Variants in SGK1 observed in about 807,000 individuals in gnomAD.
SGK1 encodes serum/glucocorticoid regulated kinase 1, also known as serine/threonine-protein kinase Sgk1.
A neutral mutation model predicts 64.2 loss-of-function variants in SGK1; 26 were observed. That is an observed-to-expected ratio of 0.40 (90% confidence interval 0.30 to 0.56). The LOEUF is 0.56. SGK1 is among the 20% of genes least tolerant of loss of function. SGK1 has a pLI of 0.38. For synonymous variants in SGK1, 265 were observed against 239.7 expected, an observed-to-expected ratio of 1.11 and a Z score of -0.98; for missense variants, 519 against 645.6, an observed-to-expected ratio of 0.80 and a Z score of 2.12.
At chr6:134,300,629 T>C (rs1582773338) in intron 1 of SGK1, among the ~76,000 whole-genome samples, 1 of 142,224 alleles carries the variant, frequency 7.0e-6, no homozygotes, top group East Asian at 2.5e-4. Flanking sequence ...AAATAAATGT[T>C]TGGTTTTTTT....
At chr6:134,207,802 A>T (rs187762865) in intron 2 of SGK1, among the ~76,000 whole-genome samples, 1 of 152,388 alleles carries the variant, frequency 6.6e-6, no homozygotes, top group East Asian at 1.9e-4. Flanking sequence ...TAGACACTCA[A>T]TACATAAAAA....
intron 1 of SGK1, among the ~76,000 whole-genome samples, chr6:134,315,133 A>AC (rs1777659924): frequency 2.0e-5 from 3 of 152,206 alleles, no homozygotes; most frequent in African/African-American, 7.2e-5. Flanking sequence ...CTAAAAACAA[A>AC]CAAACAAAAA....
chr6:134,301,566 C>T (rs527665680), intron 1 of SGK1, among the ~76,000 whole-genome samples: 1 of 149,616 alleles, frequency 6.7e-6, no homozygotes, highest in African/African-American at 2.5e-5. Flanking sequence ...CTCTTCTCTT[C>T]TCTTCTCTTC....
intron 1 of SGK1, among the ~76,000 whole-genome samples, chr6:134,284,495 T>C (rs1424342134): frequency 2.0e-5 from 3 of 150,972 alleles, no homozygotes; most frequent in East Asian, 1.9e-4. Flanking sequence ...TTCTTTCTTT[T>C]TTTTTTTTGA....
intron 1 of SGK1, among the ~76,000 whole-genome samples, chr6:134,274,292 C>A (rs1776986600): frequency 6.6e-6 from 1 of 152,150 alleles, no homozygotes; most frequent in Non-Finnish European, 1.5e-5. Context: ...GCGTGAGCCA[C>A]CGTGCCCAGC....
chr6:134,280,596 G>A (rs1202540418), intron 1 of SGK1, among the ~76,000 whole-genome samples: 1 of 152,066 alleles, frequency 6.6e-6, no homozygotes, highest in African/African-American at 2.4e-5. Flanking sequence ...TTCTTCATTT[G>A]TGTTCCTCCC....
chr6:134,308,837 G>T (rs371884489), intron 1 of SGK1, among the ~76,000 whole-genome samples: 5 of 152,172 alleles, frequency 3.3e-5, no homozygotes, highest in Non-Finnish European at 7.3e-5. Flanking sequence ...GATTACAGGC[G>T]TTTGCTACCG....
At chr6:134,305,019 T>C (rs1197115724) in intron 1 of SGK1, among the ~76,000 whole-genome samples, 1 of 152,102 alleles carries the variant, frequency 6.6e-6, no homozygotes, top group African/African-American at 2.4e-5. Flanking sequence ...ATGGATCCCT[T>C]TACAGGGAAC....
chr6:134,201,599 T>C (rs1775685624), intron 3 of SGK1, among the ~76,000 whole-genome samples: 1 of 152,016 alleles, frequency 6.6e-6, no homozygotes, highest in Admixed American at 6.6e-5. Context: ...TGATCTCAGG[T>C]GATCCACCTG....
intron 1 of SGK1, among the ~76,000 whole-genome samples, chr6:134,314,134 T>C (rs1033600598): frequency 2.6e-5 from 4 of 152,214 alleles, no homozygotes; most frequent in Non-Finnish European, 5.9e-5. Context: ...GCTGCTTTAG[T>C]TGAGCTTTTA....
intron 3 of SGK1, chr6:134,174,881 T>C: frequency 1.2e-6 from 2 of 1,603,868 alleles, no homozygotes; most frequent in South Asian, 2.2e-5. Context: ...GGCCGCGCGC[T>C]CGGCCTTATA....
At chr6:134,191,804 G>A (rs1775515276) in intron 3 of SGK1, among the ~76,000 whole-genome samples, 2 of 144,708 alleles carry the variant, frequency 1.4e-5, no homozygotes, top group Admixed American at 7.1e-5. Flanking sequence ...GAGTAGCTGG[G>A]ACTACAGGCA....
intron 1 of SGK1, among the ~76,000 whole-genome samples, chr6:134,302,516 C>T (rs1461736793): frequency 6.6e-6 from 1 of 152,132 alleles, no homozygotes; most frequent in African/African-American, 2.4e-5. Context: ...TCCCAGAGCA[C>T]AGAGGTTTCA....
intron 2 of SGK1, chr6:134,260,370 C>CCCAA (rs1776746707): frequency 1.1e-5 from 1 of 93,984 alleles, no homozygotes; most frequent in Non-Finnish European, 2.5e-5. Flanking sequence ...TGTCCCCGAC[C>CCCAA]CCCACCCCCC....
intron 2 of SGK1, among the ~76,000 whole-genome samples, chr6:134,226,688 T>C (rs1240805491): frequency 6.7e-6 from 1 of 149,602 alleles, no homozygotes; most frequent in Non-Finnish European, 1.5e-5. Context: ...AGTGAGACCC[T>C]GTCTCAAAAA....
At chr6:134,176,540 G>T (rs138601820) in intron 3 of SGK1, among the ~76,000 whole-genome samples, 2 of 152,192 alleles carry the variant, frequency 1.3e-5, no homozygotes, top group Non-Finnish European at 2.9e-5. Flanking sequence ...CGAGCACGGC[G>T]ACTGGGCCCG....
At chr6:134,222,398 C>T (rs1360955195) in intron 2 of SGK1, among the ~76,000 whole-genome samples, 1 of 151,284 alleles carries the variant, frequency 6.6e-6, no homozygotes, top group Non-Finnish European at 1.5e-5. Flanking sequence ...TGCAATGGCG[C>T]AATCTCAGCT....
rs117295902 is a variant in SGK1, at chr6:134,298,002, T to C, written c.69+19390A>G. The C allele has an allele frequency of 5.7e-3, 4,754 of 840,466 alleles. 23 individuals carry two copies. The highest frequency in any genetic ancestry group is 7.7e-3 in the Non-Finnish European group (3,726 of 481,392). The allele number at this position is 840,466 out of a possible 1,614,324, so 52.1% of individuals were successfully genotyped here. On this transcript the variant is annotated intron_variant, in intron 1 of 13. Coordinates refer to ENST00000367858, the MANE Select transcript of SGK1 (RefSeq NM_001143676.3). The stretch of plus-strand genomic sequence containing the variant: ...GTCCATGGACAGCATCACAGACGTA[T>C]CCGAGATCTGGGACTGCAGCTCCCG...
chr6:134,175,668 C>T (rs979338250), intron 3 of SGK1: 18 of 1,490,838 alleles, frequency 1.2e-5, no homozygotes, highest in Non-Finnish European at 1.3e-5. Flanking sequence ...CCATGGGCAG[C>T]GGGCGGCGGG....
Sources: gnomAD v4.1 joint callset for allele counts (sites outside exome capture counted in the v4.1 genomes callset) on GRCh38, gnomAD v4.1.1 for gene constraint, MANE v1.5 for transcripts, NCBI Gene and HGNC (gene_info 2026-07-23, HGNC 2026-07-21) for gene names.